The following ANKS1B variants were observed in gnomAD, a reference collection of about 807,000 sequenced individuals.
The protein encoded by ANKS1B is ankyrin repeat and sterile alpha motif domain-containing protein 1B.
A neutral mutation model predicts 148.3 loss-of-function variants in ANKS1B; 36 were observed. That is an observed-to-expected ratio of 0.24 (90% CI 0.19 to 0.32). The LOEUF (loss-of-function observed/expected upper bound fraction) is 0.32, where lower values mean the gene tolerates loss of function less well. ANKS1B is among the 10% of genes least tolerant of loss of function. ANKS1B has a pLI of 1.00. For synonymous variants in ANKS1B, 542 were observed against 560.8 expected, an observed-to-expected ratio of 0.97 and a Z score of 0.47; for missense variants, 1,157 against 1,542.6, an observed-to-expected ratio of 0.75 and a Z score of 4.19.
intron 14 of ANKS1B, among the ~76,000 whole-genome samples, chr12:99,225,720 T>G (rs2085821791): frequency 6.6e-6 from 1 of 152,246 alleles, no homozygotes; most frequent in Admixed American, 6.5e-5. Flanking sequence ...TTTGGACTCT[T>G]GGAGTTACAC....
intron 1 of ANKS1B, among the ~76,000 whole-genome samples, chr12:99,842,790 C>T (rs1008422647): frequency 2.0e-5 from 3 of 152,126 alleles, no homozygotes; most frequent in Admixed American, 2.0e-4. Context: ...CCTTACCTTG[C>T]TTTAACAAGC....
At chr12:99,529,765 C>T (rs2096968325) in intron 9 of ANKS1B, among the ~76,000 whole-genome samples, 1 of 148,176 alleles carries the variant, frequency 6.7e-6, no homozygotes, top group Admixed American at 6.6e-5. Context: ...CTAGTTCAAG[C>T]TTCATCAGCT....
At chr12:98,894,634 G>A (rs1199350448) in intron 17 of ANKS1B, 3 of 985,048 alleles carry the variant, frequency 3.0e-6, no homozygotes, top group Non-Finnish European at 3.6e-6. Context: ...ACTCACCCGA[G>A]CCGCTCGGGC....
intron 17 of ANKS1B, among the ~76,000 whole-genome samples, chr12:98,890,247 T>TCTA (rs1342900697): frequency 6.6e-6 from 1 of 152,172 alleles, no homozygotes; most frequent in Non-Finnish European, 1.5e-5. Flanking sequence ...TTATGACTAA[T>TCTA]CTACCAGTAG....
chr12:98,794,503 T>C, intron 22 of ANKS1B: 1 of 578,242 alleles, frequency 1.7e-6, no homozygotes, highest in African/African-American at 1.9e-5. Flanking sequence ...CAAGAAGTGT[T>C]ATTTCTGTCT....
At chr12:99,458,395 A>G (rs1024451655) in intron 10 of ANKS1B, among the ~76,000 whole-genome samples, 1 of 151,836 alleles carries the variant, frequency 6.6e-6, no homozygotes. Flanking sequence ...CAAATCTAGA[A>G]GAAAAAAAGA....
In ANKS1B at chr12:99,597,691, CA is replaced by C. The variant is rs151240731; in HGVS notation, c.1272+57375del. 7.9e-3 allele frequency among the ~76,000 whole-genome samples: 1,197 copies of C among 152,058 alleles called. 9 individuals carry two copies. The highest frequency in any genetic ancestry group is 0.027 in the African/African-American group (1,132 of 41,504). ...TTCTCATAGATAAAATGTTTATTATCAAATCAGTTAATCCTATATCAAATGG... is the reference window on the plus strand; with the variant it reads ...TTCTCATAGATAAAATGTTTATTATCAATCAGTTAATCCTATATCAAATGG... On this transcript the variant is annotated intron_variant, in intron 9 of 26. Transcript: ENST00000683438.
intron 1 of ANKS1B, among the ~76,000 whole-genome samples, chr12:99,912,837 T>C (rs1238596470): frequency 2.6e-5 from 4 of 152,200 alleles, no homozygotes. Context: ...AATGTGTCCA[T>C]AGAAGTAGAG....
At chr12:99,726,550 G>A (rs2058637803) in intron 8 of ANKS1B, among the ~76,000 whole-genome samples, 1 of 152,038 alleles carries the variant, frequency 6.6e-6, no homozygotes, top group Non-Finnish European at 1.5e-5. Flanking sequence ...AATTCTACCA[G>A]CCAAATTCTA....
intron 1 of ANKS1B, among the ~76,000 whole-genome samples, chr12:99,875,174 T>C (rs1014999387): frequency 3.9e-5 from 6 of 152,182 alleles, no homozygotes; most frequent in Non-Finnish European, 8.8e-5. Flanking sequence ...TGACTTGGGC[T>C]GTTAGAAAAC....
chr12:99,811,683 A>C (rs2068392883), intron 3 of ANKS1B, among the ~76,000 whole-genome samples: 1 of 151,908 alleles, frequency 6.6e-6, no homozygotes, highest in South Asian at 2.1e-4. Context: ...TTAACTTAAT[A>C]TGTGACAAGC....
chr12:99,243,427 T>G (rs11109770), intron 14 of ANKS1B, among the ~76,000 whole-genome samples: 3,653 of 152,314 alleles, frequency 0.024, 49 homozygotes, highest in Non-Finnish European at 0.041. Flanking sequence ...ACACTGTTTG[T>G]GGGAGCATAA....
At chr12:99,379,183 A>G (rs2093532137) in intron 12 of ANKS1B, among the ~76,000 whole-genome samples, 1 of 152,250 alleles carries the variant, frequency 6.6e-6, no homozygotes, top group African/African-American at 2.4e-5. Flanking sequence ...TAAAAGATCT[A>G]GTGTATGTGG....
At chr12:99,090,952 G>T (rs1447226335) in intron 15 of ANKS1B, among the ~76,000 whole-genome samples, 1 of 152,004 alleles carries the variant, frequency 6.6e-6, no homozygotes, top group East Asian at 1.9e-4. Context: ...AATGGCAGTG[G>T]AAGAAAATTC....
intron 1 of ANKS1B, among the ~76,000 whole-genome samples, chr12:99,932,861 GTTTCTACAAAAT>G (rs2094658669): frequency 6.6e-6 from 1 of 152,120 alleles, no homozygotes; most frequent in Admixed American, 6.6e-5. Flanking sequence ...GTCCTGAAGA[GTTTCTACAAAAT>G]TTTCTTGTAC....
intron 14 of ANKS1B, among the ~76,000 whole-genome samples, chr12:99,160,955 T>C (rs1285769071): frequency 6.6e-6 from 1 of 152,208 alleles, no homozygotes; most frequent in African/African-American, 2.4e-5. Context: ...ATAGCATAGT[T>C]TGAAGTCAGG....
At chr12:99,089,220 C>T (rs1377969331) in intron 15 of ANKS1B, among the ~76,000 whole-genome samples, 4 of 151,696 alleles carry the variant, frequency 2.6e-5, no homozygotes, top group Non-Finnish European at 5.9e-5. Flanking sequence ...GGCAGAGCTC[C>T]GTCATGTCCA....
At chr12:98,994,353 T>C (rs1358331460) in intron 17 of ANKS1B, among the ~76,000 whole-genome samples, 3 of 152,120 alleles carry the variant, frequency 2.0e-5, no homozygotes, top group Non-Finnish European at 4.4e-5. Context: ...CGGTGGCTCA[T>C]GCCTGTAATT....
chr12:98,990,561 A>AGT, intron 17 of ANKS1B, among the ~76,000 whole-genome samples: 2 of 147,164 alleles, frequency 1.4e-5, no homozygotes, highest in Non-Finnish European at 3.0e-5. Context: ...AGAGAGAGAG[A>AGT]GAGAGAAAAA....
Sources: gnomAD v4.1 joint callset for allele counts (sites outside exome capture counted in the v4.1 genomes callset) on GRCh38, gnomAD v4.1.1 for gene constraint, MANE v1.5 for transcripts, NCBI Gene and HGNC (gene_info 2026-07-23, HGNC 2026-07-21) for gene names.